Variants in STARD4 observed in about 807,000 individuals in gnomAD.
STARD4 encodes the protein stAR-related lipid transfer protein 4.
In STARD4, 33 loss-of-function variants were observed where a neutral mutation model predicts 24.9. The observed-to-expected ratio is 1.32, with a 90% CI of 1.00 to 1.77. The LOEUF (loss-of-function observed/expected upper bound fraction) is 1.77, where lower values mean the gene tolerates loss of function less well. Among genes scored for constraint, STARD4 ranks in the 40% most tolerant of loss-of-function variants. The pLI is 0.00. For missense variants in STARD4, 238 were observed against 249.3 expected, an observed-to-expected ratio of 0.95 and a Z score of 0.31; for synonymous variants, 88 against 77.4, an observed-to-expected ratio of 1.14 and a Z score of -0.72.
At chr5:111,511,890 G>A (rs1271277005) in intron 1 of STARD4, among the ~76,000 whole-genome samples, 1 of 152,212 alleles carries the variant, frequency 6.6e-6, no homozygotes, top group Non-Finnish European at 1.5e-5. Context: ...AGGGACCTTG[G>A]AAGGCAGTAA....
intron 5 of STARD4, 50 bp downstream of exon 5, chr5:111,500,952 C>T: frequency 1.2e-6 from 2 of 1,611,430 alleles, no homozygotes; most frequent in Non-Finnish European, 8.5e-7. Flanking sequence ...CAAGAAAACA[C>T]AAATATTTAA....
rs759760351 is a variant in STARD4, at chr5:111,507,297, T to C, written c.105+32A>G. The C allele has an allele frequency of 2.6e-6, 4 of 1,557,230 alleles. No homozygotes were observed. The highest frequency in any genetic ancestry group is 1.1e-5 in the South Asian group (1 of 87,794). On this transcript the variant is annotated intron_variant, in intron 2 of 5. Transcript: ENST00000296632. The surrounding 1 kb of genome is among the most constrained non-coding windows in gnomAD (Gnocchi z 4.4). ...CAACCAATTCATTAGATAGAAGATA[T>C]ACCCCAAATATAAGTAATTGAACTA... is the stretch of plus-strand genomic sequence containing the variant.
chr5:111,509,720 A>AT (rs1381440924), intron 1 of STARD4, among the ~76,000 whole-genome samples: 1 of 152,122 alleles, frequency 6.6e-6, no homozygotes, highest in African/African-American at 2.4e-5. Flanking sequence ...AACACAGTGA[A>AT]TAAAAAATGG....
At chr5:111,510,398 G>C (rs1757171599) in intron 1 of STARD4, among the ~76,000 whole-genome samples, 1 of 152,144 alleles carries the variant, frequency 6.6e-6, no homozygotes, top group Admixed American at 6.5e-5. Context: ...GAGAATGTCA[G>C]GTAAATGTTT....
Position 111,507,502 on chromosome 5 carries a change from G to T in STARD4, c.-9-60C>A, listed in dbSNP as rs1756954068. 2 of 1,309,820 alleles carry T rather than the reference G, an allele frequency of 1.5e-6. No individual in the cohort carries two copies. The highest frequency in any genetic ancestry group is 2.6e-5 in the South Asian group (2 of 77,562). The allele number at this position is 1,309,820 out of a possible 1,614,324, so 81.1% of individuals were successfully genotyped here. A position where few individuals can be genotyped will look rare whatever the true frequency, so the allele number is the denominator to read the frequency against. The stretch of plus-strand genomic sequence containing the variant: ...CCACAGTTTGAGGCAATAGGCCAGT[G>T]GGTCTCGAATCTGGTTTCACAATAT... On this transcript the variant is annotated intron_variant, in intron 1 of 5. Coordinates refer to ENST00000296632, the MANE Select transcript of STARD4 (RefSeq NM_139164.3). The surrounding 1 kb of genome is among the most constrained non-coding windows in gnomAD (Gnocchi z 4.4).
chr5:111,498,553 C>T lies in STARD4; in HGVS notation c.*1333G>A, dbSNP rs1331211897. ...AACATTTACCAATTTCCATGAGAAACTGAAACTAAACTACTGAGTTTTCTT... is the reference window on the plus strand; with the variant it reads ...AACATTTACCAATTTCCATGAGAAATTGAAACTAAACTACTGAGTTTTCTT... On this transcript the variant is annotated 3_prime_UTR_variant, in exon 6 of 6. Coordinates refer to ENST00000296632, the MANE Select transcript of STARD4 (RefSeq NM_139164.3). 2.0e-5 allele frequency: 3 copies of T among 151,668 alleles called. No individual in the cohort carries two copies. The highest frequency in any genetic ancestry group is 7.3e-5 in the African/African-American group (3 of 41,304). The allele number at this position is 151,668 out of a possible 1,614,324, so 9.4% of individuals were successfully genotyped here.
At chr5:111,500,448 A>G (rs1294310750) in intron 5 of STARD4, 12 of 1,061,050 alleles carry the variant, frequency 1.1e-5, no homozygotes, top group East Asian at 7.7e-5. Context: ...CACAGCGACT[A>G]CCATATTATA....
rs1417766929 is a variant in STARD4, at chr5:111,496,617, G to A, written c.*3269C>T. 1 of 152,106 alleles carries A rather than the reference G, an allele frequency of 6.6e-6. No homozygotes were observed. The highest frequency in any genetic ancestry group is 2.1e-4 in the South Asian group (1 of 4,818). 9.4% of individuals were successfully genotyped at this position (152,106 alleles called of 1,614,324 possible). ...CCTAAAAGCTCAACAGACAATTAAG[G>A]GCTTAAATTATACAATGTTTTCCCA... On this transcript the variant is annotated 3_prime_UTR_variant, in exon 6 of 6. Coordinates refer to ENST00000296632, the MANE Select transcript of STARD4 (RefSeq NM_139164.3).
chr5:111,500,251 T>C lies in STARD4; in HGVS notation c.398-145A>G, dbSNP rs940372036. ...AAATCCCAAAGTGACCATGGCAGAG[T>C]GAAAAAGAGACTTACCAAGGAGAAT... On this transcript the variant is annotated intron_variant, in intron 5 of 5. Transcript: ENST00000296632. 2.8e-5 allele frequency: 38 copies of C among 1,358,744 alleles called. No individual in the cohort carries two copies. In the African/African-American group the frequency reaches 5.2e-4, roughly 18 times the overall value. 84.2% of individuals were successfully genotyped at this position (1,358,744 alleles called of 1,614,324 possible).
chr5:111,507,232 G>C lies in STARD4; in HGVS notation c.105+97C>G, dbSNP rs1756926556. ...TTTCTTGCATATCCATCCAAAGTAT[G>C]GTCTTTGTCCATATTGTTCCATTTA... On this transcript the variant is annotated intron_variant, in intron 2 of 5. Transcript: ENST00000296632. This position sits in a 1 kb window ranked among gnomAD's most constrained non-coding sequence, Gnocchi z 4.4. 6 of 968,544 alleles carry C rather than the reference G, an allele frequency of 6.2e-6. No individual in the cohort carries two copies. In the East Asian group the frequency reaches 1.5e-4, roughly 24 times the overall value. 60.0% of individuals were successfully genotyped at this position (968,544 alleles called of 1,614,324 possible). A position where few individuals can be genotyped will look rare whatever the true frequency, so the allele number is the denominator to read the frequency against.
intron 1 of STARD4, among the ~76,000 whole-genome samples, chr5:111,510,191 A>G (rs1757145180): frequency 6.6e-6 from 1 of 152,210 alleles, no homozygotes; most frequent in Non-Finnish European, 1.5e-5. Context: ...TAATGAAATA[A>G]TCATTGCCAT....
intron 2 of STARD4, among the ~76,000 whole-genome samples, chr5:111,506,985 TA>T (rs1291474066): frequency 6.6e-6 from 1 of 152,220 alleles, no homozygotes; most frequent in East Asian, 1.9e-4. Flanking sequence ...GGCTTTTTGA[TA>T]TACCTGAAAC....
At chr5:111,504,414 T>C (rs1756693055) in intron 3 of STARD4, among the ~76,000 whole-genome samples, 1 of 152,172 alleles carries the variant, frequency 6.6e-6, no homozygotes, top group African/African-American at 2.4e-5. Flanking sequence ...AAATAAAATA[T>C]GTACATACAA....
chr5:111,506,488 C>A, intron 2 of STARD4, 109 bp from the exon 3 acceptor site: 1 of 457,474 alleles, frequency 2.2e-6, no homozygotes, highest in Non-Finnish European at 3.8e-6. Flanking sequence ...AAAATAAAAC[C>A]AGTACATTTT....
chr5:111,501,406 G>T (rs1580846917), intron 4 of STARD4, among the ~76,000 whole-genome samples: 1 of 152,214 alleles, frequency 6.6e-6, no homozygotes, highest in East Asian at 1.9e-4. Flanking sequence ...ATGGAATTAG[G>T]GATGTAGACT....
At chr5:111,510,744 C>G (rs374928034) in intron 1 of STARD4, among the ~76,000 whole-genome samples, 20 of 152,158 alleles carry the variant, frequency 1.3e-4, no homozygotes, top group African/African-American at 4.8e-4. Flanking sequence ...TTTCTTGAGG[C>G]CATCTATCAG....
chr5:111,501,563 G>A (rs1233683714), intron 4 of STARD4, among the ~76,000 whole-genome samples: 1 of 152,110 alleles, frequency 6.6e-6, no homozygotes, highest in Admixed American at 6.6e-5. Context: ...TATCTAAGGT[G>A]GCATTTTTAT....
Position 111,500,652 on chromosome 5 carries a change from A to C in STARD4, c.397+350T>G, listed in dbSNP as rs373266936. On this transcript the variant is annotated intron_variant, in intron 5 of 5. Transcript: ENST00000296632. ...CTCAAGGAAGGAAGAATATTCTAAG[A>C]CACACCAAATCTAGTACTTCTCTGT... 13 of 1,252,618 alleles carry C rather than the reference A, an allele frequency of 1.0e-5. No homozygotes were observed. The East Asian group carries it at 4.3e-4, about 42-fold the overall frequency. The allele number at this position is 1,252,618 out of a possible 1,614,324, so 77.6% of individuals were successfully genotyped here. A position where few individuals can be genotyped will look rare whatever the true frequency, so the allele number is the denominator to read the frequency against.
chr5:111,502,285 G>A (rs1017051477), intron 3 of STARD4, among the ~76,000 whole-genome samples, 197 bp from the exon 4 acceptor site: 30 of 151,526 alleles, frequency 2.0e-4, no homozygotes, highest in Admixed American at 5.3e-4. Flanking sequence ...CCTGGCCAAC[G>A]TGGCAAAAAC....
Sources: allele counts gnomAD v4.1 joint callset (sites outside exome capture counted in the v4.1 genomes callset), GRCh38; gene constraint gnomAD v4.1.1; non-coding constraint Gnocchi (gnomAD v3.1); transcripts MANE v1.5; gene names NCBI Gene and HGNC (gene_info 2026-07-23, HGNC 2026-07-21).